Variants in PTPRO observed in about 807,000 individuals in gnomAD.
PTPRO encodes receptor-type tyrosine-protein phosphatase O.
A neutral mutation model predicts 145.2 loss-of-function variants in PTPRO; 62 were observed. The observed-to-expected ratio is 0.43, with a 90% CI of 0.35 to 0.53. The LOEUF is 0.53. Among genes scored for constraint, PTPRO ranks in the 20% least tolerant of loss-of-function variants. The pLI is 0.01. For missense variants in PTPRO, 1,345 were observed against 1,482.7 expected (o/e 0.91, Z 1.53); for synonymous variants, 565 against 514.7 (o/e 1.10, Z -1.32).
intron 1 of PTPRO, among the ~76,000 whole-genome samples, chr12:15,464,408 G>A (rs1565645139): frequency 6.6e-6 from 1 of 151,388 alleles, no homozygotes; most frequent in African/African-American, 2.4e-5. Flanking sequence ...AGGCTGGTGT[G>A]CAGTGACACA....
intron 1 of PTPRO, among the ~76,000 whole-genome samples, chr12:15,465,170 CTCAAAG>C (rs1450161271): frequency 1.3e-5 from 2 of 152,136 alleles, no homozygotes; most frequent in Admixed American, 1.3e-4. Context: ...TACAGCTGTT[CTCAAAG>C]ACAAAGATAT....
intron 1 of PTPRO, among the ~76,000 whole-genome samples, chr12:15,441,985 T>A (rs1380904853): frequency 6.6e-6 from 1 of 151,998 alleles, no homozygotes. Flanking sequence ...GGGAGTCCCT[T>A]CTAACACATT....
chr12:15,556,346 C>T (rs1943624152), intron 15 of PTPRO, among the ~76,000 whole-genome samples: 2 of 152,098 alleles, frequency 1.3e-5, no homozygotes, highest in East Asian at 1.9e-4. Flanking sequence ...CACATTGTGC[C>T]AGTAATGTTA....
chr12:15,469,989 A>C (rs550612751), intron 1 of PTPRO, among the ~76,000 whole-genome samples: 1 of 152,302 alleles, frequency 6.6e-6, no homozygotes, highest in East Asian at 1.9e-4. Flanking sequence ...GATTTACCTT[A>C]AATAACTGAG....
At chr12:15,344,517 G>A (rs1287108293) in intron 1 of PTPRO, among the ~76,000 whole-genome samples, 1 of 152,192 alleles carries the variant, frequency 6.6e-6, no homozygotes, top group Admixed American at 6.5e-5. Flanking sequence ...TTAAAGAGAT[G>A]AAAGCAGATG....
At chr12:15,372,411 T>C (rs1366670080) in intron 1 of PTPRO, among the ~76,000 whole-genome samples, 1 of 152,224 alleles carries the variant, frequency 6.6e-6, no homozygotes, top group African/African-American at 2.4e-5. Flanking sequence ...AAGTCCATTA[T>C]GAAGCTAATT....
chr12:15,544,219 CG>C (rs1182907250), intron 12 of PTPRO, among the ~76,000 whole-genome samples: 15 of 151,766 alleles, frequency 9.9e-5, no homozygotes, highest in Non-Finnish European at 1.8e-4. Flanking sequence ...TAAAGGAGGC[CG>C]GGGGTGGTGG....
intron 11 of PTPRO, among the ~76,000 whole-genome samples, chr12:15,525,492 A>G (rs893604498): frequency 2.9e-4 from 44 of 152,228 alleles, no homozygotes; most frequent in Non-Finnish European, 6.0e-4. Context: ...GGGGTCACCC[A>G]GGGAGGCAAA....
intron 19 of PTPRO, among the ~76,000 whole-genome samples, chr12:15,570,792 A>G (rs889617550): frequency 5.9e-5 from 9 of 152,202 alleles, no homozygotes; most frequent in Non-Finnish European, 5.9e-5. Flanking sequence ...GTATAGCTAC[A>G]CTTTTACCTT....
At chr12:15,362,549 T>C (rs1382536280) in intron 1 of PTPRO, among the ~76,000 whole-genome samples, 1 of 152,182 alleles carries the variant, frequency 6.6e-6, no homozygotes, top group Non-Finnish European at 1.5e-5. Context: ...ATAGGAAATA[T>C]GATACAATAT....
intron 1 of PTPRO, among the ~76,000 whole-genome samples, chr12:15,409,886 G>T (rs186803107): frequency 4.6e-5 from 7 of 152,334 alleles, no homozygotes; most frequent in African/African-American, 1.4e-4. Context: ...GCTATCTCCA[G>T]CATTGGGGAT....
At chr12:15,481,286 G>A (rs1428175645) in intron 1 of PTPRO, among the ~76,000 whole-genome samples, 2 of 152,162 alleles carry the variant, frequency 1.3e-5, no homozygotes, top group South Asian at 2.1e-4. Context: ...CTGCCCATGT[G>A]TCTGGAATAA....
chr12:15,378,351 A>G (rs1262450127), intron 1 of PTPRO, among the ~76,000 whole-genome samples: 13 of 152,028 alleles, frequency 8.6e-5, no homozygotes, highest in Non-Finnish European at 1.8e-4. Flanking sequence ...AAAATACACT[A>G]TTATAGTATA....
chr12:15,326,161 T>C (rs1866440969), intron 1 of PTPRO, among the ~76,000 whole-genome samples: 1 of 152,184 alleles, frequency 6.6e-6, no homozygotes, highest in African/African-American at 2.4e-5. Context: ...TCACTTTTCG[T>C]GGTTGAGGTT....
At chr12:15,437,216 A>G (rs1289136738) in intron 1 of PTPRO, among the ~76,000 whole-genome samples, 1 of 151,690 alleles carries the variant, frequency 6.6e-6, no homozygotes, top group Non-Finnish European at 1.5e-5. Flanking sequence ...TCCTTGTGCA[A>G]AGACTGGTAC....
chr12:15,381,223 A>T (rs148783916), intron 1 of PTPRO, among the ~76,000 whole-genome samples: 1 of 152,138 alleles, frequency 6.6e-6, no homozygotes, highest in South Asian at 2.1e-4. Context: ...TACATCGCAA[A>T]GTTTATTCTT....
At chr12:15,360,653 A>G (rs564208272) in intron 1 of PTPRO, among the ~76,000 whole-genome samples, 1 of 151,636 alleles carries the variant, frequency 6.6e-6, no homozygotes, top group Non-Finnish European at 1.5e-5. Context: ...ATATATACAT[A>G]TAGAGATACT....
chr12:15,467,085 G>A (rs993192153), intron 1 of PTPRO, among the ~76,000 whole-genome samples: 1 of 152,140 alleles, frequency 6.6e-6, no homozygotes, highest in Non-Finnish European at 1.5e-5. Context: ...GAGTTGTTAA[G>A]AGGATTAAGT....
intron 19 of PTPRO, among the ~76,000 whole-genome samples, chr12:15,577,392 T>C (rs190794190): frequency 1.7e-4 from 26 of 152,254 alleles, no homozygotes; most frequent in Admixed American, 1.2e-3. Flanking sequence ...CCCAATAACT[T>C]GATTAATAAA....
Sources: allele counts gnomAD v4.1 joint callset (sites outside exome capture counted in the v4.1 genomes callset), GRCh38; gene constraint gnomAD v4.1.1; transcripts MANE v1.5; gene names NCBI Gene and HGNC (gene_info 2026-07-23, HGNC 2026-07-21).